The following BANK1 variants were observed in gnomAD, a reference collection of about 807,000 sequenced individuals.
BANK1 encodes B-cell scaffold protein with ankyrin repeats.
Under a neutral mutation model 94.5 loss-of-function variants are expected in BANK1, and 95 were observed. That is an observed-to-expected ratio of 1.00 (90% confidence interval 0.85 to 1.19). BANK1 has a LOEUF of 1.19. Among genes scored for constraint, BANK1 ranks in the 50% most tolerant of loss-of-function variants. The probability of loss-of-function intolerance (pLI) is 0.00; values close to 1 mark genes in which losing one functional copy is unlikely to be tolerated. For synonymous variants in BANK1, 334 were observed against 308.4 expected (o/e 1.08, Z -0.87); for missense variants, 987 against 932.2 (o/e 1.06, Z -0.77).
chr4:102,000,788 G>A (rs191640532), intron 7 of BANK1, among the ~76,000 whole-genome samples: 109 of 152,296 alleles, frequency 7.2e-4, no homozygotes, highest in African/African-American at 2.4e-3. Flanking sequence ...GAAGAAATAA[G>A]TTGCAAACAC....
chr4:101,833,137 A>G (rs1026982773), intron 2 of BANK1, among the ~76,000 whole-genome samples: 5 of 151,686 alleles, frequency 3.3e-5, no homozygotes, highest in African/African-American at 1.2e-4. Context: ...GTGCCACCAT[A>G]CCCGGCTAAT....
intron 1 of BANK1, among the ~76,000 whole-genome samples, chr4:101,817,554 G>A (rs559793340): frequency 6.6e-6 from 1 of 152,092 alleles, no homozygotes. Context: ...GGAGGGAGAG[G>A]ATCAGGAAGA....
chr4:101,794,535 A>G (rs1163221215), intron 1 of BANK1, among the ~76,000 whole-genome samples: 1 of 152,118 alleles, frequency 6.6e-6, no homozygotes, highest in African/African-American at 2.4e-5. Flanking sequence ...CAAACATTTC[A>G]TAAGTCATCA....
chr4:102,072,441 A>G (rs780527977), intron 15 of BANK1, 41 bp downstream of exon 15: 1 of 1,432,270 alleles, frequency 7.0e-7, no homozygotes, highest in Non-Finnish European at 9.8e-7. Context: ...ATGCAAAGAA[A>G]TAACTTCGTT....
intron 7 of BANK1, among the ~76,000 whole-genome samples, chr4:102,007,122 T>A (rs1387602786): frequency 2.9e-4 from 25 of 86,440 alleles, no homozygotes; most frequent in Non-Finnish European, 3.6e-4. Flanking sequence ...AATATATATT[T>A]TATATATATA....
chr4:101,883,754 C>A (rs915314643), intron 5 of BANK1, among the ~76,000 whole-genome samples: 4 of 152,122 alleles, frequency 2.6e-5, no homozygotes, highest in Non-Finnish European at 5.9e-5. Flanking sequence ...CGTTTTAAAA[C>A]AATCCAGAAA....
At chr4:102,073,782 T>G (rs762643142) in intron 16 of BANK1, 34 bp downstream of exon 16, 2 of 1,545,964 alleles carry the variant, frequency 1.3e-6, no homozygotes, top group African/African-American at 2.8e-5. Context: ...TTTTAGAAAA[T>G]CTAAAGCAGC....
chr4:101,807,930 A>T (rs1007885852), intron 1 of BANK1, among the ~76,000 whole-genome samples: 2 of 151,848 alleles, frequency 1.3e-5, no homozygotes, highest in African/African-American at 4.8e-5. Flanking sequence ...AAAATAAAAA[A>T]AAAAATTAGC....
At chr4:102,070,354 G>A (rs568096513) in intron 13 of BANK1, among the ~76,000 whole-genome samples, 1 of 152,240 alleles carries the variant, frequency 6.6e-6, no homozygotes, top group Admixed American at 6.5e-5. Flanking sequence ...TGCGCAGTGT[G>A]TTCAGAAAGT....
intron 7 of BANK1, among the ~76,000 whole-genome samples, chr4:101,934,348 A>T (rs990306586): frequency 1.8e-4 from 28 of 151,432 alleles, no homozygotes; most frequent in African/African-American, 5.8e-4. Context: ...TGAATTGTGT[A>T]TGTGACCTTG....
chr4:101,837,395 A>G (rs1198327184), intron 2 of BANK1, among the ~76,000 whole-genome samples: 1 of 152,160 alleles, frequency 6.6e-6, no homozygotes, highest in Non-Finnish European at 1.5e-5. Context: ...AATTAAAGTG[A>G]TGGATTGTTT....
At chr4:101,830,907 A>T (rs1238851548) in intron 2 of BANK1, among the ~76,000 whole-genome samples, 1 of 152,188 alleles carries the variant, frequency 6.6e-6, no homozygotes, top group Non-Finnish European at 1.5e-5. Flanking sequence ...ACACCAGATT[A>T]AAAGTTGGCT....
chr4:101,812,185 G>T (rs922127121), intron 1 of BANK1, among the ~76,000 whole-genome samples: 15 of 151,690 alleles, frequency 9.9e-5, no homozygotes, highest in African/African-American at 3.6e-4. Context: ...GTCATAGATG[G>T]GTAAAGAAGA....
At chr4:101,799,704 C>G (rs1202078511) in intron 1 of BANK1, among the ~76,000 whole-genome samples, 1 of 152,018 alleles carries the variant, frequency 6.6e-6, no homozygotes, top group Non-Finnish European at 1.5e-5. Context: ...GAAACCCCAT[C>G]TCTACTAAAA....
intron 11 of BANK1, among the ~76,000 whole-genome samples, chr4:102,054,582 ATCT>A (rs1728166672): frequency 6.6e-6 from 1 of 152,094 alleles, no homozygotes; most frequent in African/African-American, 2.4e-5. Flanking sequence ...CTCCACCTCT[ATCT>A]TCTTAGGATA....
At chr4:102,059,707 T>C (rs78422256) in intron 11 of BANK1, among the ~76,000 whole-genome samples, 1 of 152,336 alleles carries the variant, frequency 6.6e-6, no homozygotes, top group East Asian at 1.9e-4. Flanking sequence ...ATTATTTATT[T>C]AAAATCTTTC....
chr4:102,029,895 A>G (rs1727229522), intron 9 of BANK1, 65 bp from the exon 10 acceptor site: 5 of 1,482,174 alleles, frequency 3.4e-6, no homozygotes, highest in Non-Finnish European at 4.5e-6. Context: ...AAAAAGTGAC[A>G]GATGGACACC....
intron 11 of BANK1, among the ~76,000 whole-genome samples, chr4:102,058,820 T>A (rs542538849): frequency 9.6e-4 from 144 of 149,332 alleles, no homozygotes; most frequent in African/African-American, 2.2e-3. Flanking sequence ...AAAAAAAAAA[T>A]AATAATAATA....
In BANK1 at chr4:101,873,434, G is replaced by T. The variant is rs9993618; in HGVS notation, c.903+2790G>T. Among the ~76,000 whole-genome samples the T allele has an allele frequency of 6.3e-3, 957 of 152,212 alleles. 10 individuals are homozygous for T. Among genetic ancestry groups the T allele is most frequent in the African/African-American group, 0.021 (884 of 41,534 alleles). On this transcript the variant is annotated intron_variant, in intron 5 of 16. Transcript: ENST00000322953. ...TGAACATTGTGTGAATTTGAGGAAA[G>T]AATTACTAATGAGAAATCTGCAGGA...
Sources: allele counts gnomAD v4.1 joint callset (sites outside exome capture counted in the v4.1 genomes callset), GRCh38; gene constraint gnomAD v4.1.1; transcripts MANE v1.5; gene names NCBI Gene and HGNC (gene_info 2026-07-23, HGNC 2026-07-21).